DLGAP1: variants seen among roughly 807,000 people sequenced by gnomAD.
DLGAP1 encodes the protein disks large-associated protein 1.
A neutral mutation model predicts 90.8 loss-of-function variants in DLGAP1; 11 were observed. The observed-to-expected ratio is 0.12, with a 90% confidence interval of 0.08 to 0.20. The LOEUF (loss-of-function observed/expected upper bound fraction) is 0.20, where lower values mean the gene tolerates loss of function less well. DLGAP1 is among the 10% of genes least tolerant of loss of function. The pLI is 1.00. For missense variants in DLGAP1, 1,050 were observed against 1,333.8 expected (o/e 0.79, Z 3.31); for synonymous variants, 558 against 540.7 (o/e 1.03, Z -0.44).
intron 1 of DLGAP1, among the ~76,000 whole-genome samples, chr18:4,236,689 T>C (rs955933195): frequency 6.6e-6 from 1 of 152,002 alleles, no homozygotes; most frequent in South Asian, 2.1e-4. Context: ...CTACTTTCAC[T>C]GATATTTATC....
At chr18:3,577,510 C>T (rs570632512) in intron 8 of DLGAP1, among the ~76,000 whole-genome samples, 8 of 152,256 alleles carry the variant, frequency 5.3e-5, no homozygotes, top group East Asian at 1.9e-4. Context: ...TTCTACTATG[C>T]GGTGGTATAA....
At chr18:4,081,215 C>T (rs2075602936) in intron 2 of DLGAP1, among the ~76,000 whole-genome samples, 1 of 151,414 alleles carries the variant, frequency 6.6e-6, no homozygotes, top group African/African-American at 2.4e-5. Flanking sequence ...AAAAATTAAT[C>T]TGCCTTGGAG....
At chr18:3,666,079 C>G (rs1256138902) in intron 7 of DLGAP1, among the ~76,000 whole-genome samples, 2 of 152,112 alleles carry the variant, frequency 1.3e-5, no homozygotes, top group African/African-American at 4.8e-5. Context: ...GGGAAGAGAG[C>G]CCCGCGGTCA....
rs571565043 is a variant in DLGAP1, at chr18:3,937,077, G to A, written c.-72-56937C>T. ...GGAGGCTGAAACATGGGCACGCCCT[G>A]GAGAGGCCAGCTTCTGAAATAATGT... is the stretch of plus-strand genomic sequence containing the variant. On this transcript the variant is annotated intron_variant, in intron 3 of 12. Coordinates refer to ENST00000315677, the MANE Select transcript of DLGAP1 (RefSeq NM_004746.4). Among the ~76,000 whole-genome samples the A allele has an allele frequency of 3.3e-5, 5 of 152,320 alleles. No homozygotes were observed. In the South Asian group the frequency reaches 8.3e-4, roughly 25 times the overall value.
intron 4 of DLGAP1, among the ~76,000 whole-genome samples, chr18:3,855,023 G>A (rs753810327): frequency 1.2e-4 from 19 of 152,254 alleles, no homozygotes; most frequent in Non-Finnish European, 2.5e-4. Context: ...CAATAGCAAA[G>A]TCATGGAATC....
intron 2 of DLGAP1, among the ~76,000 whole-genome samples, chr18:4,085,350 T>C (rs966921532): frequency 6.6e-6 from 1 of 152,208 alleles, no homozygotes; most frequent in Admixed American, 6.5e-5. Flanking sequence ...CATGCTAATA[T>C]CTTCACTGAG....
rs114551675 is a variant in DLGAP1, at chr18:3,612,024, G to A, written c.1592-29776C>T. Among the ~76,000 whole-genome samples the A allele has an allele frequency of 3.9e-3, 589 of 152,298 alleles. 5 individuals are homozygous for A. The highest frequency in any genetic ancestry group is 0.013 in the African/African-American group (557 of 41,556). ...TTACATTACTAAAGCGCTATCAAAT[G>A]AACAAATAATTCCCTTTGCTTTTCA... is the stretch of plus-strand genomic sequence containing the variant. On this transcript the variant is annotated intron_variant, in intron 7 of 12. Coordinates refer to ENST00000315677, the MANE Select transcript of DLGAP1 (RefSeq NM_004746.4).
At chr18:3,503,458 G>A (rs1179542222) in intron 11 of DLGAP1, among the ~76,000 whole-genome samples, 2 of 152,070 alleles carry the variant, frequency 1.3e-5, no homozygotes, top group African/African-American at 4.8e-5. Flanking sequence ...CCCTAAGACA[G>A]GAAAAACACA....
chr18:4,082,429 T>C (rs2075622607), intron 2 of DLGAP1, among the ~76,000 whole-genome samples: 3 of 144,238 alleles, frequency 2.1e-5, no homozygotes, highest in African/African-American at 5.2e-5. Flanking sequence ...AAGAATCACT[T>C]GAACCTGGGA....
intron 3 of DLGAP1, among the ~76,000 whole-genome samples, chr18:3,920,596 G>A (rs2072248972): frequency 6.6e-6 from 1 of 152,026 alleles, no homozygotes; most frequent in South Asian, 2.1e-4. Flanking sequence ...AGGTAAATAT[G>A]TTTGCATTGC....
chr18:3,515,455 C>T (rs1210234256), intron 10 of DLGAP1, among the ~76,000 whole-genome samples: 2 of 82,856 alleles, frequency 2.4e-5, no homozygotes, highest in African/African-American at 9.5e-5. Flanking sequence ...GGCAACAGAG[C>T]GAGATTCCAT....
rs140544582 is a variant in DLGAP1 at position 4,340,929 on chromosome 18, T to C, written c.-267+114077A>G. Among the ~76,000 whole-genome samples the C allele has an allele frequency of 4.1e-3, 618 of 152,246 alleles. 6 individuals carry two copies. The highest frequency in any genetic ancestry group is 0.014 in the African/African-American group (584 of 41,570). On this transcript the variant is annotated intron_variant, in intron 1 of 12. Coordinates refer to ENST00000315677, the MANE Select transcript of DLGAP1 (RefSeq NM_004746.4). ...CTTCTATTACTAAATAATAGACTTT[T>C]ACAAAAATTATATAAGGAAAATTCA...
intron 1 of DLGAP1, among the ~76,000 whole-genome samples, chr18:4,394,366 A>T (rs753644355): frequency 9.2e-5 from 14 of 152,246 alleles, no homozygotes; most frequent in Non-Finnish European, 1.6e-4. Context: ...TGAGATAAGA[A>T]TTTAAGAATA....
intron 7 of DLGAP1, among the ~76,000 whole-genome samples, chr18:3,629,676 A>T (rs1279567075): frequency 2.0e-5 from 3 of 151,722 alleles, no homozygotes; most frequent in East Asian, 3.9e-4. Flanking sequence ...TGTCTCAAAA[A>T]ATAAATAAAT....
At chr18:4,028,344 A>G (rs957847934) in intron 2 of DLGAP1, among the ~76,000 whole-genome samples, 2 of 152,256 alleles carry the variant, frequency 1.3e-5, no homozygotes, top group South Asian at 4.1e-4. Flanking sequence ...GACATGTGGA[A>G]AGCAGCATTA....
At chr18:3,617,625 C>A (rs1002303201) in intron 7 of DLGAP1, among the ~76,000 whole-genome samples, 20 of 147,052 alleles carry the variant, frequency 1.4e-4, no homozygotes, top group Non-Finnish European at 3.0e-4. Flanking sequence ...AAACTGCTGA[C>A]ACAGAGACAT....
At chr18:3,602,072 T>A (rs554309038) in intron 7 of DLGAP1, among the ~76,000 whole-genome samples, 25 of 152,168 alleles carry the variant, frequency 1.6e-4, no homozygotes, top group African/African-American at 5.8e-4. Context: ...AATTTTGCAC[T>A]ACAGGGTGGC....
rs377070692 is a variant in DLGAP1, at chr18:4,454,183, G to A, written c.-267+823C>T. Among the ~76,000 whole-genome samples, 2 of 152,210 alleles carry A rather than the reference G, an allele frequency of 1.3e-5. No homozygotes were observed. Among genetic ancestry groups the A allele is most frequent in the East Asian group, 1.9e-4 (1 of 5,172 alleles). Reference sequence around the variant, plus strand: ...GAAAGCAGGGTCTTCATCGCCGCGGGCCCTCCGAAGGTGCCTCTCCCAGCT... The same window carrying A: ...GAAAGCAGGGTCTTCATCGCCGCGGACCCTCCGAAGGTGCCTCTCCCAGCT... On this transcript the variant is annotated intron_variant, in intron 1 of 12. Coordinates refer to ENST00000315677, the MANE Select transcript of DLGAP1 (RefSeq NM_004746.4). The surrounding 1 kb of genome is among the most constrained non-coding windows in gnomAD (Gnocchi z 4.7).
At chr18:3,732,154 C>T (rs1438752006) in intron 6 of DLGAP1, among the ~76,000 whole-genome samples, 1 of 152,204 alleles carries the variant, frequency 6.6e-6, no homozygotes, top group East Asian at 1.9e-4. Flanking sequence ...TTGCTGATTT[C>T]ATACTCATGG....
Sources: allele counts gnomAD v4.1 joint callset (sites outside exome capture counted in the v4.1 genomes callset), GRCh38; gene constraint gnomAD v4.1.1; non-coding constraint Gnocchi (gnomAD v3.1); transcripts MANE v1.5; gene names NCBI Gene and HGNC (gene_info 2026-07-23, HGNC 2026-07-21).